The following NUP160 variants were observed in gnomAD, a reference collection of about 807,000 sequenced individuals.
NUP160 encodes the protein nucleoporin 160, also known as nuclear pore complex protein Nup160.
Under a neutral mutation model 196.9 loss-of-function variants are expected in NUP160, and 94 were observed. That is an observed-to-expected ratio of 0.48 (90% CI 0.40 to 0.57). The LOEUF (loss-of-function observed/expected upper bound fraction) is 0.57. Ranked by LOEUF, NUP160 falls within the 20% of genes least tolerant of loss-of-function variation. NUP160 has a pLI of 0.00. For synonymous variants in NUP160, 605 were observed against 619.7 expected (o/e 0.98, Z 0.35); for missense variants, 1,638 against 1,748.3 (o/e 0.94, Z 1.13).
chr11:47,841,053 C>A (rs921664800), intron 2 of NUP160, among the ~76,000 whole-genome samples: 3 of 152,026 alleles, frequency 2.0e-5, no homozygotes, highest in South Asian at 2.1e-4. Flanking sequence ...TTTATACATG[C>A]GCTTACATGT....
intron 17 of NUP160, 37 bp from the exon 18 acceptor site, chr11:47,808,566 A>G (rs758079861): frequency 6.3e-7 from 1 of 1,587,440 alleles, no homozygotes; most frequent in Non-Finnish European, 8.6e-7. Flanking sequence ...ACAAGAAATT[A>G]TAGCAATTAG....
At chr11:47,788,115 T>G in intron 31 of NUP160, 67 bp downstream of exon 31, 1 of 1,390,206 alleles carries the variant, frequency 7.2e-7, no homozygotes, top group African/African-American at 1.4e-5. Context: ...GACGACTGTT[T>G]CACACTGAGC....
At chr11:47,841,443 C>A in intron 2 of NUP160, 2 of 424,552 alleles carry the variant, frequency 4.7e-6, no homozygotes, top group South Asian at 6.1e-5. Flanking sequence ...GCGCCACTGG[C>A]AGAGCATTTC....
intron 2 of NUP160, among the ~76,000 whole-genome samples, chr11:47,846,374 G>A (rs1852403626): frequency 6.6e-6 from 1 of 151,974 alleles, no homozygotes; most frequent in Non-Finnish European, 1.5e-5. Context: ...ATTTCCAAAG[G>A]GCTGCTCCCC....
At chr11:47,847,652 G>GT (rs1852425472) in intron 2 of NUP160, among the ~76,000 whole-genome samples, 196 bp downstream of exon 2, 1 of 127,152 alleles carries the variant, frequency 7.9e-6, no homozygotes. Flanking sequence ...TGGGGGTGGG[G>GT]GGGGGGAGGG....
At chr11:47,837,448 T>C in intron 5 of NUP160, 97 bp downstream of exon 5, 2 of 910,396 alleles carry the variant, frequency 2.2e-6, no homozygotes, top group East Asian at 2.4e-5. Context: ...TCCAGTATAA[T>C]GTTTGCCTTG....
At chr11:47,804,359 G>C in intron 21 of NUP160, 190 bp downstream of exon 21, 1 of 519,996 alleles carries the variant, frequency 1.9e-6, no homozygotes, top group Non-Finnish European at 3.4e-6. Context: ...TAGCTTCGTA[G>C]ATCAGACAAA....
intron 2 of NUP160, among the ~76,000 whole-genome samples, chr11:47,842,860 C>T (rs976458819): frequency 6.6e-6 from 1 of 152,034 alleles, no homozygotes; most frequent in African/African-American, 2.4e-5. Context: ...TGGTGATGCC[C>T]GCCTGTAATC....
intron 33 of NUP160, among the ~76,000 whole-genome samples, chr11:47,784,437 C>T (rs766917465): frequency 6.6e-5 from 10 of 152,172 alleles, no homozygotes; most frequent in Admixed American, 5.9e-4. Context: ...AGTACTCCAC[C>T]GACTCCTGTG....
intron 27 of NUP160, chr11:47,796,238 G>T: frequency 3.8e-6 from 2 of 526,958 alleles, no homozygotes; most frequent in East Asian, 6.6e-5. Context: ...AGAGAAATAC[G>T]AGATTACAGA....
chr11:47,827,346 G>A (rs1366709188), intron 7 of NUP160, among the ~76,000 whole-genome samples: 4 of 149,054 alleles, frequency 2.7e-5, no homozygotes, highest in Admixed American at 2.7e-4. Context: ...CTTGGGTGAC[G>A]GAGTGAGACA....
chr11:47,796,255 T>G, intron 27 of NUP160: 1 of 664,494 alleles, frequency 1.5e-6, no homozygotes, highest in South Asian at 1.6e-5. Flanking sequence ...CAGAGCACAG[T>G]AGGATCAATC....
At chr11:47,811,380 G>A (rs901679886) in intron 17 of NUP160, among the ~76,000 whole-genome samples, 2 of 151,422 alleles carry the variant, frequency 1.3e-5, no homozygotes, top group Admixed American at 6.6e-5. Flanking sequence ...ACGGTGGCAC[G>A]CACCTGTAAT....
At chr11:47,798,401 G>A (rs1470332866) in exon 24 of NUP160, 2 of 1,610,716 alleles carry the variant, frequency 1.2e-6, no homozygotes, top group Non-Finnish European at 1.7e-6. Context: ...CTTCAGTTAT[G>A]GCTGATGTAG....
chr11:47,797,148 G>T (rs1430165060), intron 27 of NUP160, among the ~76,000 whole-genome samples: 1 of 62,474 alleles, frequency 1.6e-5, no homozygotes, highest in African/African-American at 6.3e-5. Flanking sequence ...CTGAAATGTG[G>T]AAAGGGAGAA....
intron 25 of NUP160, 36 bp downstream of exon 25, chr11:47,798,132 G>A: frequency 6.4e-7 from 1 of 1,559,060 alleles, no homozygotes. Flanking sequence ...AACAGAGTTG[G>A]TAAATTGTCT....
chr11:47,798,494 A>AT, intron 23 of NUP160, 31 bp from the exon 24 acceptor site: 2 of 1,221,234 alleles, frequency 1.6e-6, no homozygotes, highest in Non-Finnish European at 2.4e-6. Context: ...TTTCCATTAA[A>AT]ATTAATATTG....
At chr11:47,783,028 G>GT (rs754364531) in intron 34 of NUP160, 45 bp downstream of exon 34, 15 of 1,538,698 alleles carry the variant, frequency 9.7e-6, no homozygotes, top group Middle Eastern at 3.4e-4. Flanking sequence ...TTGAAAAATC[G>GT]TAAGTCAAAC....
At chr11:47,834,228 G>A (rs1022999336) in intron 7 of NUP160, among the ~76,000 whole-genome samples, 64 of 152,264 alleles carry the variant, frequency 4.2e-4, no homozygotes, top group African/African-American at 1.5e-3. Flanking sequence ...CCAAAAGTTT[G>A]AGAACCACTA....
Sources: allele counts gnomAD v4.1 joint callset (sites outside exome capture counted in the v4.1 genomes callset), GRCh38; gene constraint gnomAD v4.1.1; transcripts MANE v1.5; gene names NCBI Gene and HGNC (gene_info 2026-07-23, HGNC 2026-07-21).